MCTP1: variants seen among roughly 807,000 people sequenced by gnomAD.
MCTP1 encodes multiple C2 and transmembrane domain-containing protein 1.
A neutral mutation model predicts 120.6 loss-of-function variants in MCTP1; 69 were observed. The ratio of observed to expected loss-of-function variants is 0.57; its 90% CI spans 0.47 to 0.70. MCTP1 has a LOEUF of 0.70. MCTP1 is among the 30% of genes least tolerant of loss of function. MCTP1 has a pLI of 0.00. For missense variants in MCTP1, 1,203 were observed against 1,248.8 expected, an observed-to-expected ratio of 0.96 and a Z score of 0.55; for synonymous variants, 529 against 493.1, an observed-to-expected ratio of 1.07 and a Z score of -0.96.
At chr5:94,869,376 G>A (rs1409373756) in intron 16 of MCTP1, among the ~76,000 whole-genome samples, 1 of 151,970 alleles carries the variant, frequency 6.6e-6, no homozygotes, top group East Asian at 1.9e-4. Context: ...ATACATGTAT[G>A]TGCATGCCAG....
intron 12 of MCTP1, among the ~76,000 whole-genome samples, chr5:94,873,945 C>T (rs1294415752): frequency 6.6e-6 from 1 of 151,672 alleles, no homozygotes; most frequent in East Asian, 1.9e-4. Context: ...CAACTCTGTC[C>T]TGCCATACTC....
At position 95,079,138 on chromosome 5, in the gene MCTP1, A is replaced by G. The variant is rs548453038; in HGVS notation, c.721-61654T>C. Among the ~76,000 whole-genome samples the G allele has an allele frequency of 3.3e-5, 5 of 152,292 alleles. No individual in the cohort carries two copies. In the East Asian group the frequency reaches 9.6e-4, roughly 29 times the overall value. On this transcript the variant is annotated intron_variant, in intron 1 of 22. Coordinates refer to ENST00000515393, the MANE Select transcript of MCTP1 (RefSeq NM_024717.7). The stretch of plus-strand genomic sequence containing the variant: ...AATTAAAACCCAACAAACCATCTCC[A>G]TAGCTTTCCTACTTGGGTTTATCTC...
chr5:94,715,038 G>A, intron 19 of MCTP1, 152 bp from the exon 20 acceptor site: 1 of 583,304 alleles, frequency 1.7e-6, no homozygotes, highest in East Asian at 2.9e-5. Flanking sequence ...GAAAATATCA[G>A]GATTTAAAGG....
rs548737967 is a variant in MCTP1, at chr5:95,080,942, T to A, written c.721-63458A>T. 2.0e-5 allele frequency among the ~76,000 whole-genome samples: 3 copies of A among 152,344 alleles called. No individual in the cohort carries two copies. The South Asian group carries it at 6.2e-4, about 32-fold the overall frequency. ...ATATGAAAGGTCCAGAGGCTTTCAC[T>A]AATTTTCCACTTTAAATTTTCTAAT... On this transcript the variant is annotated intron_variant, in intron 1 of 22. Transcript: ENST00000515393.
At chr5:94,736,079 C>CT (rs1764166969) in intron 19 of MCTP1, among the ~76,000 whole-genome samples, 1 of 152,184 alleles carries the variant, frequency 6.6e-6, no homozygotes, top group South Asian at 2.1e-4. Context: ...TTCTTTATCT[C>CT]TAAAAGATGA....
intron 1 of MCTP1, among the ~76,000 whole-genome samples, chr5:95,022,707 G>A (rs1838432152): frequency 6.6e-6 from 1 of 152,108 alleles, no homozygotes; most frequent in Non-Finnish European, 1.5e-5. Flanking sequence ...CATCCAATCT[G>A]CTTTGGCACC....
intron 1 of MCTP1, among the ~76,000 whole-genome samples, chr5:95,165,165 T>G (rs913333782): frequency 1.3e-5 from 2 of 152,128 alleles, no homozygotes; most frequent in Admixed American, 6.5e-5. Context: ...ATGAAAAAGA[T>G]GAATAACATT....
At chr5:95,276,894 G>T (rs112526455) in intron 1 of MCTP1, among the ~76,000 whole-genome samples, 1,895 of 152,104 alleles carry the variant, frequency 0.012, 41 homozygotes, top group African/African-American at 0.043. Flanking sequence ...GGAGCTTGCA[G>T]TGAGCCCATA....
chr5:95,022,571 A>G (rs2153678124), intron 1 of MCTP1, among the ~76,000 whole-genome samples: 1 of 152,328 alleles, frequency 6.6e-6, no homozygotes, highest in East Asian at 1.9e-4. Context: ...GCTAGAGGCT[A>G]CAAGGATAGA....
chr5:94,949,033 C>T (rs1262835837), intron 3 of MCTP1, among the ~76,000 whole-genome samples: 1 of 152,074 alleles, frequency 6.6e-6, no homozygotes, highest in Non-Finnish European at 1.5e-5. Flanking sequence ...ATCTTAGAAA[C>T]AGTCATGTGG....
chr5:95,177,226 GGC>G (rs1562211287), intron 1 of MCTP1, among the ~76,000 whole-genome samples: 1 of 151,886 alleles, frequency 6.6e-6, no homozygotes, highest in Non-Finnish European at 1.5e-5. Flanking sequence ...TTAAGGAATT[GGC>G]TCCTGTGATT....
intron 1 of MCTP1, among the ~76,000 whole-genome samples, chr5:95,148,291 A>G (rs1383843948): frequency 7.1e-6 from 1 of 139,890 alleles, no homozygotes; most frequent in Admixed American, 7.5e-5. Flanking sequence ...TACATCCTCA[A>G]GTATGTTTTC....
At chr5:95,090,039 T>C (rs1755722932) in intron 1 of MCTP1, among the ~76,000 whole-genome samples, 1 of 152,202 alleles carries the variant, frequency 6.6e-6, no homozygotes, top group South Asian at 2.1e-4. Flanking sequence ...TCTCATTCTT[T>C]CTTGCTGCTC....
intron 1 of MCTP1, among the ~76,000 whole-genome samples, chr5:95,260,694 C>T (rs1159389692): frequency 1.3e-5 from 2 of 151,930 alleles, no homozygotes; most frequent in African/African-American, 4.8e-5. Flanking sequence ...ATATCATTTG[C>T]TTATTATATC....
At chr5:94,916,819 A>T (rs1810191202) in intron 8 of MCTP1, among the ~76,000 whole-genome samples, 1 of 152,220 alleles carries the variant, frequency 6.6e-6, no homozygotes, top group African/African-American at 2.4e-5. Flanking sequence ...GAGTGGAGCC[A>T]GGCATTCTGG....
At position 95,074,812 on chromosome 5, in the gene MCTP1, G is replaced by C. The variant is rs147412995; in HGVS notation, c.721-57328C>G. ...AAGGAAATTAGGTCAAGCTTAAATTGATTTATGCTGTGCACAATTAACATT... is the reference window on the plus strand; with the variant it reads ...AAGGAAATTAGGTCAAGCTTAAATTCATTTATGCTGTGCACAATTAACATT... On this transcript the variant is annotated intron_variant, in intron 1 of 22. Transcript: ENST00000515393. Among the ~76,000 whole-genome samples the C allele has an allele frequency of 8.3e-3, 1,258 of 152,274 alleles. 12 individuals carry two copies. Among genetic ancestry groups the C allele is most frequent in the Non-Finnish European group, 0.013 (867 of 68,010 alleles).
intron 22 of MCTP1, 117 bp from the exon 23 acceptor site, chr5:94,707,684 G>C: frequency 1.4e-6 from 1 of 721,802 alleles, no homozygotes; most frequent in Non-Finnish European, 2.5e-6. Context: ...TCTAGAAGCT[G>C]TATGGGATCT....
intron 19 of MCTP1, among the ~76,000 whole-genome samples, chr5:94,765,537 T>TA (rs929739064): frequency 6.6e-6 from 1 of 151,472 alleles, no homozygotes; most frequent in Admixed American, 6.6e-5. Flanking sequence ...ATGTCTCTGC[T>TA]AAAAAATACA....
chr5:94,774,292 T>C (rs1271680703), intron 19 of MCTP1, among the ~76,000 whole-genome samples: 1 of 148,746 alleles, frequency 6.7e-6, no homozygotes, highest in Non-Finnish European at 1.5e-5. Flanking sequence ...TGTGGCACAA[T>C]TGCCTTTAAG....
Sources: allele counts gnomAD v4.1 joint callset (sites outside exome capture counted in the v4.1 genomes callset), GRCh38; gene constraint gnomAD v4.1.1; transcripts MANE v1.5; gene names NCBI Gene and HGNC (gene_info 2026-07-23, HGNC 2026-07-21).